The following DOCK3 variants were observed in gnomAD, a reference collection of about 807,000 sequenced individuals.
DOCK3 encodes the protein dedicator of cytokinesis protein 3.
A neutral mutation model predicts 265.6 loss-of-function variants in DOCK3; 60 were observed. That is an observed-to-expected ratio of 0.23 (90% CI 0.18 to 0.28). The LOEUF (loss-of-function observed/expected upper bound fraction) is 0.28, where lower values mean the gene tolerates loss of function less well. Among genes scored for constraint, DOCK3 ranks in the 10% least tolerant of loss-of-function variants. The pLI, the probability that DOCK3 is intolerant of heterozygous loss-of-function variation, is 1.00. For synonymous variants in DOCK3, 881 were observed against 938.0 expected (o/e 0.94, Z 1.11); for missense variants, 1,981 against 2,594.3 (o/e 0.76, Z 5.14).
rs1480071195 is a variant in DOCK3, at chr3:51,359,857, C to T, written c.4885-654C>T. On this transcript the variant is annotated intron_variant, in intron 46 of 52. Coordinates refer to ENST00000266037, the MANE Select transcript of DOCK3 (RefSeq NM_004947.5). The surrounding 1 kb of genome is among the most constrained non-coding windows in gnomAD (Gnocchi z 4.8). ...ACAGCTTTTGAAGGACGTGAGGAAACCTTAACAGTTGTTTCCTCTGAGTTG... is the reference window on the plus strand; with the variant it reads ...ACAGCTTTTGAAGGACGTGAGGAAATCTTAACAGTTGTTTCCTCTGAGTTG... 6.6e-6 allele frequency among the ~76,000 whole-genome samples: 1 copy of T among 152,168 alleles called. No homozygotes were observed. Among genetic ancestry groups the T allele is most frequent in the Admixed American group, 6.5e-5 (1 of 15,270 alleles).
In DOCK3 at chr3:51,278,627, T is replaced by G. The variant is rs1409344204; in HGVS notation, c.2823+873T>G. 7.9e-5 allele frequency: 63 copies of G among 799,754 alleles called. 2 individuals are homozygous for G. Among genetic ancestry groups the G allele is most frequent in the Non-Finnish European group, 8.2e-5 (54 of 660,826 alleles). The allele number at this position is 799,754 out of a possible 1,614,324, so 49.5% of individuals were successfully genotyped here. A position where few individuals can be genotyped will look rare whatever the true frequency, so the allele number is the denominator to read the frequency against. On this transcript the variant is annotated intron_variant, in intron 26 of 52. Transcript: ENST00000266037. ...TGTAAGTAAAAAACATATATATATA[T>G]ATATATGTACCCTGGCATTTCCTGG...
At chr3:51,228,882 C>T in intron 18 of DOCK3, 50 bp downstream of exon 18, 3 of 1,583,480 alleles carry the variant, frequency 1.9e-6, no homozygotes, top group Non-Finnish European at 2.6e-6. Flanking sequence ...CTCCATTGTT[C>T]ACTCCACACT....
intron 32 of DOCK3, among the ~76,000 whole-genome samples, chr3:51,327,002 G>C (rs944588083): frequency 2.0e-5 from 3 of 151,940 alleles, no homozygotes. Context: ...ATTTTCTTAG[G>C]TAAATTTCTC....
rs375391556 is a variant in DOCK3 at position 51,035,188 on chromosome 3, TTC to T, written c.316-29254_316-29253del. The stretch of plus-strand genomic sequence containing the variant: ...TTTCTACAAATATTTTTCTGCCTCA[TTC>T]TCTCTTTGTCTTTTTCTCTCCTTTT... On this transcript the variant is annotated intron_variant, in intron 5 of 52. Transcript: ENST00000266037. Among the ~76,000 whole-genome samples the T allele has an allele frequency of 1.5e-3, 232 of 152,246 alleles. 2 individuals carry two copies. Among genetic ancestry groups the T allele is most frequent in the East Asian group, 7.9e-3 (41 of 5,190 alleles).
intron 12 of DOCK3, among the ~76,000 whole-genome samples, chr3:51,166,866 C>T (rs966677665): frequency 2.6e-5 from 4 of 152,126 alleles, no homozygotes; most frequent in Non-Finnish European, 2.9e-5. Context: ...AGATATTAAT[C>T]CCCTATCAGA....
At chr3:51,340,893 A>C (rs529956401) in intron 37 of DOCK3, among the ~76,000 whole-genome samples, 1 of 152,232 alleles carries the variant, frequency 6.6e-6, no homozygotes, top group Non-Finnish European at 1.5e-5. Flanking sequence ...GCAAAAAGGA[A>C]CCCAAGAGCT....
intron 4 of DOCK3, among the ~76,000 whole-genome samples, chr3:50,925,274 A>G (rs928370119): frequency 6.6e-5 from 10 of 152,230 alleles, no homozygotes; most frequent in African/African-American, 2.2e-4. Flanking sequence ...AGCTTTTTGC[A>G]GTCCTGGTTT....
chr3:50,996,891 A>G (rs1213171833), intron 5 of DOCK3, among the ~76,000 whole-genome samples: 1 of 152,082 alleles, frequency 6.6e-6, no homozygotes, highest in African/African-American at 2.4e-5. Flanking sequence ...CCTCTTTTCT[A>G]TTTGCCCATT....
intron 3 of DOCK3, among the ~76,000 whole-genome samples, chr3:50,854,899 C>T (rs1278110612): frequency 5.9e-5 from 9 of 151,890 alleles, no homozygotes; most frequent in African/African-American, 1.9e-4. Flanking sequence ...GTTCTCTTCC[C>T]GTTGTTTACT....
intron 10 of DOCK3, among the ~76,000 whole-genome samples, chr3:51,154,036 G>A (rs552715798): frequency 6.4e-4 from 97 of 152,170 alleles, no homozygotes; most frequent in Non-Finnish European, 9.0e-4. Flanking sequence ...GACAGATATC[G>A]CAAAGATTAC....
rs79287390 is a variant in DOCK3, at chr3:50,733,076, C to T, written c.38-45599C>T. On this transcript the variant is annotated intron_variant, in intron 1 of 52. Coordinates refer to ENST00000266037, the MANE Select transcript of DOCK3 (RefSeq NM_004947.5). ...AGATTACAGGCTTAAGCCACCATGCCTAGCCCAGGCTTTAAAAATATATAA... is the reference window on the plus strand; with the variant it reads ...AGATTACAGGCTTAAGCCACCATGCTTAGCCCAGGCTTTAAAAATATATAA... Among the ~76,000 whole-genome samples the T allele has an allele frequency of 2.8e-3, 419 of 152,278 alleles. 1 individual carries two copies. Among genetic ancestry groups the T allele is most frequent in the African/African-American group, 9.6e-3 (401 of 41,558 alleles).
chr3:51,140,014 C>T (rs1472314597), intron 9 of DOCK3, among the ~76,000 whole-genome samples: 4 of 152,206 alleles, frequency 2.6e-5, no homozygotes, highest in African/African-American at 9.7e-5. Flanking sequence ...CAAGGCCATG[C>T]AGATCTTGGA....
intron 9 of DOCK3, among the ~76,000 whole-genome samples, chr3:51,138,169 A>G (rs574404217): frequency 5.3e-5 from 8 of 152,342 alleles, no homozygotes; most frequent in East Asian, 3.9e-4. Flanking sequence ...GTTCAATACA[A>G]TATTTCCCAA....
chr3:51,186,386 T>C (rs1038392652), intron 12 of DOCK3, among the ~76,000 whole-genome samples: 2 of 152,182 alleles, frequency 1.3e-5, no homozygotes, highest in Admixed American at 6.5e-5. Context: ...ACTTGGGTGC[T>C]GTTAAAGGCA....
intron 18 of DOCK3, 93 bp from the exon 19 acceptor site, chr3:51,229,419 C>G: frequency 1.1e-6 from 1 of 879,038 alleles, no homozygotes; most frequent in Non-Finnish European, 1.6e-6. Context: ...CAACCGCACT[C>G]CAGCCTGGGC....
chr3:51,318,069 A>G (rs1351315570), intron 32 of DOCK3, among the ~76,000 whole-genome samples: 1 of 151,914 alleles, frequency 6.6e-6, no homozygotes, highest in African/African-American at 2.4e-5. Flanking sequence ...TTTGACTGGG[A>G]TTGCAGTGAT....
chr3:51,263,421 C>A (rs187829723), intron 23 of DOCK3, among the ~76,000 whole-genome samples: 1 of 152,214 alleles, frequency 6.6e-6, no homozygotes, highest in East Asian at 1.9e-4. Flanking sequence ...CTGAAGGAAG[C>A]ACTAAATATG....
chr3:50,930,653 T>C (rs941268009), intron 4 of DOCK3, among the ~76,000 whole-genome samples: 1 of 152,188 alleles, frequency 6.6e-6, no homozygotes, highest in African/African-American at 2.4e-5. Context: ...CCCCCTCACC[T>C]GGCTTGGGGC....
chr3:50,958,511 G>C (rs764166220), intron 5 of DOCK3, among the ~76,000 whole-genome samples: 1 of 152,102 alleles, frequency 6.6e-6, no homozygotes, highest in Non-Finnish European at 1.5e-5. Flanking sequence ...GATCAACTAC[G>C]ATAATACATA....
Sources: gnomAD v4.1 joint callset for allele counts (sites outside exome capture counted in the v4.1 genomes callset) on GRCh38, gnomAD v4.1.1 for gene constraint, Gnocchi (gnomAD v3.1) non-coding constraint, MANE v1.5 for transcripts, NCBI Gene and HGNC (gene_info 2026-07-23, HGNC 2026-07-21) for gene names.